AKAP14: variants seen among roughly 807,000 people sequenced by gnomAD.
The protein encoded by AKAP14 is A-kinase anchoring protein 14, also known as A-kinase anchor protein 14.
In AKAP14, 4 loss-of-function variants were observed where a neutral mutation model predicts 17.0. The ratio of observed to expected loss-of-function variants is 0.23; its 90% CI spans 0.12 to 0.54. The LOEUF (loss-of-function observed/expected upper bound fraction) is 0.54. AKAP14 is among the 20% of genes least tolerant of loss of function. The pLI is 0.95. For synonymous variants in AKAP14, 42 were observed against 51.3 expected, an observed-to-expected ratio of 0.82 and a Z score of 0.77; for missense variants, 129 against 150.9, an observed-to-expected ratio of 0.85 and a Z score of 0.76.
chrX:119,901,975 C>T (rs763379676), intron 2 of AKAP14, among the ~76,000 whole-genome samples: 6 of 108,170 alleles, frequency 5.5e-5, no homozygotes, highest in African/African-American at 1.3e-4. Context: ...GCCGAGATAG[C>T]GCCATTGCTC....
At chrX:119,905,537 A>C (rs1389757113) in intron 4 of AKAP14, among the ~76,000 whole-genome samples, 1 of 111,798 alleles carries the variant, frequency 8.9e-6, no homozygotes, top group African/African-American at 3.2e-5. Context: ...ACAATGGTCT[A>C]CAAGGCCCAA....
At chrX:119,918,961 G>A (rs1266817987) in intron 5 of AKAP14, among the ~76,000 whole-genome samples, 1 of 111,801 alleles carries the variant, frequency 8.9e-6, no homozygotes, top group East Asian at 2.8e-4. Flanking sequence ...TGCCTATTCA[G>A]AGCGTTTGGA....
chrX:119,920,031 A>C (rs994556159), intron 6 of AKAP14, 68 bp downstream of exon 6: 4 of 1,074,195 alleles, frequency 3.7e-6, no homozygotes, highest in Non-Finnish European at 5.2e-6. Flanking sequence ...GGAATCCAGC[A>C]GTTGCGCAAC....
At chrX:119,912,235 C>T (rs1241563763) in intron 4 of AKAP14, among the ~76,000 whole-genome samples, 1 of 110,310 alleles carries the variant, frequency 9.1e-6, no homozygotes, top group African/African-American at 3.3e-5. Context: ...TTGCGCCCGG[C>T]CCACGGGAGG....
At chrX:119,919,321 AAAG>A (rs1364511281) in intron 5 of AKAP14, among the ~76,000 whole-genome samples, 2 of 112,371 alleles carry the variant, frequency 1.8e-5, no homozygotes, top group African/African-American at 6.5e-5. Flanking sequence ...TGGAGCATGT[AAAG>A]AAGGTTAATG....
chrX:119,917,658 T>C (rs1352114296), intron 5 of AKAP14, among the ~76,000 whole-genome samples: 1 of 110,358 alleles, frequency 9.1e-6, no homozygotes, highest in Non-Finnish European at 1.9e-5. Flanking sequence ...CTCATGCCTG[T>C]AGTCCCAGCT....
chrX:119,914,796 G>C lies in AKAP14; in HGVS notation c.359G>C (p.Ser120Thr). ...SFLYIYYVHW[S>T]ISTADLPVAR... ...CTCTACATCTACTATGTACACTGGA[G>C]TATCTCAACTGCTGACCTACCCGTA... Residue 120 changes from serine to threonine, a missense_variant, in exon 5 of 7, where the codon AGT (serine) becomes ACT (threonine). Transcript: ENST00000371431. The C allele has an allele frequency of 1.2e-5, 14 of 1,210,469 alleles. No individual in the cohort carries two copies. Among genetic ancestry groups the C allele is most frequent in the Non-Finnish European group, 1.6e-5 (14 of 894,323 alleles).
chrX:119,906,188 T>C (rs1182742979), intron 4 of AKAP14, among the ~76,000 whole-genome samples: 2 of 108,412 alleles, frequency 1.8e-5, no homozygotes, highest in Non-Finnish European at 3.8e-5. Context: ...AAAATCGCCC[T>C]GTTCCCAGCC....
At chrX:119,913,040 C>T (rs191996995) in intron 4 of AKAP14, among the ~76,000 whole-genome samples, 1,241 of 109,632 alleles carry the variant, frequency 0.011, 11 homozygotes, top group Middle Eastern at 0.023. Context: ...GTAATCCCAG[C>T]ACTTTGGTAG....
intron 2 of AKAP14, among the ~76,000 whole-genome samples, chrX:119,899,166 C>CAAAAAA (rs56354303): frequency 0.3 from 14,752 of 49,149 alleles, 1,841 homozygotes; most frequent in Middle Eastern, 0.34. Context: ...GACTCTGTCT[C>CAAAAAA]AAAAAAAAAA....
intron 4 of AKAP14, among the ~76,000 whole-genome samples, chrX:119,910,560 G>A (rs1414272284): frequency 3.6e-5 from 4 of 111,807 alleles, no homozygotes; most frequent in Non-Finnish European, 7.5e-5. Flanking sequence ...GTGGGCCCTA[G>A]GCACTCTTCC....
chrX:119,911,259 C>T (rs1160824274), intron 4 of AKAP14, among the ~76,000 whole-genome samples: 1 of 105,678 alleles, frequency 9.5e-6, no homozygotes, highest in African/African-American at 3.4e-5. Flanking sequence ...GAAGCTGAGG[C>T]GGGAGAATTG....
chrX:119,897,423 T>C (rs894041001), intron 2 of AKAP14, among the ~76,000 whole-genome samples: 5 of 111,371 alleles, frequency 4.5e-5, no homozygotes, highest in African/African-American at 6.5e-5. Context: ...CCTCCCAAAG[T>C]GCTGGGATTA....
chrX:119,914,908 G>A (rs997734141), intron 5 of AKAP14, 30 bp downstream of exon 5: 3 of 1,160,473 alleles, frequency 2.6e-6, no homozygotes, highest in African/African-American at 1.8e-5. Context: ...CCTTCAGTGA[G>A]GCTTCAGTGA....
At chrX:119,910,395 T>C (rs1433428886) in intron 4 of AKAP14, among the ~76,000 whole-genome samples, 2 of 111,493 alleles carry the variant, frequency 1.8e-5, no homozygotes, top group Non-Finnish European at 3.8e-5. Flanking sequence ...ATTCCTTCCT[T>C]CTGTGAACCT....
chrX:119,916,348 G>A (rs2056656456), intron 5 of AKAP14, among the ~76,000 whole-genome samples: 1 of 110,389 alleles, frequency 9.1e-6, no homozygotes, highest in Non-Finnish European at 1.9e-5. Flanking sequence ...ACTTTGTGCT[G>A]GGATTACAGG....
rs1035718671 is a variant in AKAP14, at chrX:119,896,257, T to G, written c.-21T>G. ...GCTCCTGTTCCAAGCAAAGAAGATC[T>G]GCTCACTCCGGTACTGGGGATTCTC... is the stretch of plus-strand genomic sequence containing the variant. On this transcript the variant is annotated 5_prime_UTR_variant, in exon 2 of 7. Transcript: ENST00000371431. 1 of 109,508 alleles carries G rather than the reference T, an allele frequency of 9.1e-6. No homozygotes were observed. The highest frequency in any genetic ancestry group is 1.9e-5 in the Non-Finnish European group (1 of 52,721). The allele number at this position is 109,508 out of a possible 1,213,427, so 9.0% of individuals were successfully genotyped here.
chrX:119,918,986 A>G (rs1382083786), intron 5 of AKAP14, among the ~76,000 whole-genome samples: 4 of 111,549 alleles, frequency 3.6e-5, no homozygotes, highest in African/African-American at 1.3e-4. Flanking sequence ...GCAGTAATCT[A>G]AAGAGGTGCA....
chrX:119,914,656 G>A (rs2056646816), intron 4 of AKAP14, 43 bp from the exon 5 acceptor site: 1 of 1,153,714 alleles, frequency 8.7e-7, no homozygotes. Flanking sequence ...TGAACAGAAG[G>A]CTTTTCTTTT....
Sources: gnomAD v4.1 joint callset for allele counts (sites outside exome capture counted in the v4.1 genomes callset) on GRCh38, gnomAD v4.1.1 for gene constraint, MANE v1.5 for transcripts, NCBI Gene and HGNC (gene_info 2026-07-23, HGNC 2026-07-21) for gene names.